CSPP1: variants seen among roughly 807,000 people sequenced by gnomAD.
The protein encoded by CSPP1 is centrosome and spindle pole-associated protein 1.
Under a neutral mutation model 164.4 loss-of-function variants are expected in CSPP1, and 126 were observed. The observed-to-expected ratio is 0.77, with a 90% CI of 0.66 to 0.89. The LOEUF (loss-of-function observed/expected upper bound fraction) is 0.89, where lower values mean the gene tolerates loss of function less well. Among genes scored for constraint, CSPP1 ranks in the 40% least tolerant of loss-of-function variants. The probability of loss-of-function intolerance (pLI) is 0.00; values close to 1 mark genes in which losing one functional copy is unlikely to be tolerated. For missense variants in CSPP1, 1,395 were observed against 1,449.8 expected (o/e 0.96, Z 0.61); for synonymous variants, 472 against 476.7 (o/e 0.99, Z 0.13).
chr8:67,159,958 T>TTCC (rs1827826776), intron 21 of CSPP1, among the ~76,000 whole-genome samples: 3 of 11,252 alleles, frequency 2.7e-4, no homozygotes, highest in South Asian at 3.8e-3. Context: ...TCCTTCCTTC[T>TTCC]TTCTTTTCTT....
chr8:67,187,131 A>T (rs1834892899), intron 28 of CSPP1, among the ~76,000 whole-genome samples: 1 of 152,192 alleles, frequency 6.6e-6, no homozygotes. Flanking sequence ...TATTGTCAAG[A>T]TGTCAGGTCT....
At position 67,132,595 on chromosome 8, in the gene CSPP1, C is replaced by A. The variant is rs548370993; in HGVS notation, c.1827+515C>A. ...GCAGAGAAATTATTTAGTAGATAGT[C>A]CAGTAAGGAGGTGATGAGGCCCTGA... On this transcript the variant is annotated intron_variant, in intron 16 of 30. Transcript: ENST00000678616. Among the ~76,000 whole-genome samples, 26 of 152,206 alleles carry A rather than the reference C, an allele frequency of 1.7e-4. No homozygotes were observed. In the Middle Eastern group the frequency reaches 0.01, roughly 60 times the overall value.
chr8:67,174,300 T>C (rs1242078183), intron 25 of CSPP1: 1 of 152,202 alleles, frequency 6.6e-6, no homozygotes, highest in Non-Finnish European at 1.5e-5. Context: ...TTTTGTTCTT[T>C]TGATAATTTC....
At chr8:67,123,522 TTA>T (rs1819408188) in intron 15 of CSPP1, among the ~76,000 whole-genome samples, 1 of 152,176 alleles carries the variant, frequency 6.6e-6, no homozygotes, top group Admixed American at 6.5e-5. Flanking sequence ...TTCCTGGTTT[TTA>T]TGTTTGCCAT....
rs1271791338 is a variant in CSPP1, at chr8:67,187,010, T to TA, written c.3221-3639dup. On this transcript the variant is annotated intron_variant, in intron 28 of 30. Coordinates refer to ENST00000678616, the MANE Select transcript of CSPP1 (RefSeq NM_001382391.1). Reference sequence around the variant, plus strand: ...CTATCTATCTATCTATCTATCTATCTATCTAATCTATCTATCTAGAACTGC... The same window carrying TA: ...CTATCTATCTATCTATCTATCTATCTAATCTAATCTATCTATCTAGAACTGC... 1.7e-3 allele frequency among the ~76,000 whole-genome samples: 257 copies of TA among 150,840 alleles called. 1 individual carries two copies. The highest frequency in any genetic ancestry group is 6.0e-3 in the African/African-American group (246 of 40,886).
Position 67,150,965 on chromosome 8 carries a change from T to A in CSPP1, c.2128+1030T>A, listed in dbSNP as rs144274246. On this transcript the variant is annotated intron_variant, in intron 18 of 30. Coordinates refer to ENST00000678616, the MANE Select transcript of CSPP1 (RefSeq NM_001382391.1). Reference sequence around the variant, plus strand: ...TTTAGATTAGAAAAGAACTTTTCATTAGGAAGTTCTAAAATATTTGTGACT... The same window carrying A: ...TTTAGATTAGAAAAGAACTTTTCATAAGGAAGTTCTAAAATATTTGTGACT... Among the ~76,000 whole-genome samples, 394 of 152,334 alleles carry A rather than the reference T, an allele frequency of 2.6e-3. 11 individuals carry two copies. Among genetic ancestry groups the A allele is most frequent in the Admixed American group, 0.024 (369 of 15,300 alleles).
intron 18 of CSPP1, among the ~76,000 whole-genome samples, chr8:67,151,886 G>A (rs1036841545): frequency 1.1e-4 from 16 of 151,572 alleles, no homozygotes; most frequent in Admixed American, 6.6e-5. Flanking sequence ...CCAGGAGATC[G>A]AGACCATCCT....
chr8:67,144,124 T>C (rs991323407), intron 17 of CSPP1, among the ~76,000 whole-genome samples: 1 of 152,200 alleles, frequency 6.6e-6, no homozygotes, highest in African/African-American at 2.4e-5. Context: ...TGCTTAGAGG[T>C]TTCATTGTGA....
At chr8:67,188,565 TG>T (rs1325874729) in intron 28 of CSPP1, among the ~76,000 whole-genome samples, 1 of 152,198 alleles carries the variant, frequency 6.6e-6, no homozygotes, top group Non-Finnish European at 1.5e-5. Context: ...TCCCATTGTA[TG>T]GGAACTCTAT....
intron 19 of CSPP1, among the ~76,000 whole-genome samples, chr8:67,154,723 A>G (rs1461308891): frequency 6.6e-6 from 1 of 151,688 alleles, no homozygotes; most frequent in Non-Finnish European, 1.5e-5. Context: ...CTGGTCTCGA[A>G]CTACTGACCT....
intron 3 of CSPP1, among the ~76,000 whole-genome samples, chr8:67,078,048 T>TGG (rs1351075105): frequency 2.6e-5 from 4 of 152,208 alleles, no homozygotes; most frequent in Non-Finnish European, 4.4e-5. Flanking sequence ...CTTCCAGCCC[T>TGG]ACGTTTTTAT....
At chr8:67,191,999 T>G (rs1038375392) in intron 29 of CSPP1, among the ~76,000 whole-genome samples, 2 of 152,174 alleles carry the variant, frequency 1.3e-5, no homozygotes, top group African/African-American at 4.8e-5. Context: ...TGAACATCTT[T>G]TCATGGTTTA....
chr8:67,159,237 G>C, intron 21 of CSPP1, 100 bp downstream of exon 21: 26 of 1,052,186 alleles, frequency 2.5e-5, no homozygotes, highest in Non-Finnish European at 3.3e-5. Context: ...AGGAGGAGGT[G>C]CTTTTGTTCC....
chr8:67,097,739 T>G (rs1813116102), intron 7 of CSPP1, among the ~76,000 whole-genome samples: 1 of 151,994 alleles, frequency 6.6e-6, no homozygotes, highest in Non-Finnish European at 1.5e-5. Flanking sequence ...GTGATAATTT[T>G]ATACATGAAC....
intron 15 of CSPP1, among the ~76,000 whole-genome samples, chr8:67,125,776 T>C (rs1294601970): frequency 6.6e-6 from 1 of 152,210 alleles, no homozygotes; most frequent in Non-Finnish European, 1.5e-5. Context: ...TTTGGTTCTT[T>C]TTAAAGTAAT....
At chr8:67,192,381 C>G (rs1232341250) in intron 29 of CSPP1, among the ~76,000 whole-genome samples, 1 of 152,106 alleles carries the variant, frequency 6.6e-6, no homozygotes. Context: ...AGCCCTTTGT[C>G]CATTTTCAAA....
At chr8:67,133,855 CA>C (rs1309325677) in intron 16 of CSPP1, 1 of 152,194 alleles carries the variant, frequency 6.6e-6, no homozygotes, top group Non-Finnish European at 1.5e-5. Flanking sequence ...GTGTTCACAA[CA>C]TCTTTACCAA....
At chr8:67,140,985 C>T (rs1194310432) in intron 17 of CSPP1, among the ~76,000 whole-genome samples, 2 of 152,070 alleles carry the variant, frequency 1.3e-5, no homozygotes, top group Non-Finnish European at 2.9e-5. Flanking sequence ...TCTTTATGCT[C>T]AGAAGAAGGA....
At chr8:67,184,025 G>A (rs927402513) in intron 28 of CSPP1, among the ~76,000 whole-genome samples, 1 of 151,950 alleles carries the variant, frequency 6.6e-6, no homozygotes, top group Non-Finnish European at 1.5e-5. Flanking sequence ...GCTAATTTTT[G>A]TATTTTTAGT....
Sources: allele counts gnomAD v4.1 joint callset (sites outside exome capture counted in the v4.1 genomes callset), GRCh38; gene constraint gnomAD v4.1.1; transcripts MANE v1.5; gene names NCBI Gene and HGNC (gene_info 2026-07-23, HGNC 2026-07-21).